The following CSGALNACT1 variants were observed in gnomAD, a reference collection of about 807,000 sequenced individuals.
CSGALNACT1 encodes chondroitin sulfate N-acetylgalactosaminyltransferase 1.
CSGALNACT1 carries 52 observed loss-of-function variants against 51.0 expected under a neutral mutation model. That is an observed-to-expected ratio of 1.02 (90% CI 0.82 to 1.29). The LOEUF (loss-of-function observed/expected upper bound fraction) is 1.29, where lower values mean the gene tolerates loss of function less well. Among genes scored for constraint, CSGALNACT1 ranks in the 50% most tolerant of loss-of-function variants. The pLI, the probability that CSGALNACT1 is intolerant of heterozygous loss-of-function variation, is 0.00. For synonymous variants in CSGALNACT1, 341 were observed against 254.4 expected (o/e 1.34, Z -3.24); for missense variants, 935 against 679.2 (o/e 1.38, Z -4.19).
intron 1 of CSGALNACT1, among the ~76,000 whole-genome samples, chr8:19,701,072 GA>G (rs2061838462): frequency 6.6e-6 from 1 of 150,410 alleles, no homozygotes; most frequent in African/African-American, 2.4e-5. Flanking sequence ...CATCAAGACA[GA>G]AATGATGGCT....
intron 8 of CSGALNACT1, among the ~76,000 whole-genome samples, chr8:19,415,900 C>T (rs969369712): frequency 6.6e-6 from 1 of 152,150 alleles, no homozygotes; most frequent in African/African-American, 2.4e-5. Context: ...AACGACACAA[C>T]TGTAAGCATA....
chr8:19,572,110 C>T (rs1365030331), intron 3 of CSGALNACT1, among the ~76,000 whole-genome samples: 1 of 152,224 alleles, frequency 6.6e-6, no homozygotes, highest in African/African-American at 2.4e-5. Context: ...ACCAGAAAAA[C>T]ATCGGCAACA....
intron 1 of CSGALNACT1, among the ~76,000 whole-genome samples, chr8:19,633,771 T>G (rs1264962246): frequency 1.3e-5 from 2 of 152,210 alleles, no homozygotes; most frequent in Non-Finnish European, 2.9e-5. Context: ...TTGTAGTGAT[T>G]TGTTATAGCA....
chr8:19,437,421 T>C (rs2060552513), intron 6 of CSGALNACT1, among the ~76,000 whole-genome samples: 1 of 151,974 alleles, frequency 6.6e-6, no homozygotes, highest in South Asian at 2.1e-4. Context: ...GGTAGGAAGA[T>C]TGATCTGGAA....
chr8:19,462,198 G>T (rs1261342083), intron 4 of CSGALNACT1, among the ~76,000 whole-genome samples: 1 of 152,238 alleles, frequency 6.6e-6, no homozygotes, highest in African/African-American at 2.4e-5. Flanking sequence ...CTGCACAACT[G>T]AAACAGGTCT....
At chr8:19,654,181 T>C (rs1288078896) in intron 1 of CSGALNACT1, among the ~76,000 whole-genome samples, 1 of 152,196 alleles carries the variant, frequency 6.6e-6, no homozygotes, top group Admixed American at 6.5e-5. Context: ...TCAGTAATAG[T>C]CACTGAACAT....
intron 3 of CSGALNACT1, among the ~76,000 whole-genome samples, chr8:19,560,549 A>G (rs1159763481): frequency 6.6e-6 from 1 of 152,250 alleles, no homozygotes; most frequent in African/African-American, 2.4e-5. Flanking sequence ...CAATAGATAC[A>G]CAACACGATG....
At chr8:19,489,301 C>G (rs6992586) in intron 4 of CSGALNACT1, among the ~76,000 whole-genome samples, 19,789 of 152,108 alleles carry the variant, frequency 0.13, 1,330 homozygotes, top group Middle Eastern at 0.21. Context: ...GAAATCATCA[C>G]TATCCAATGT....
At chr8:19,570,335 T>C (rs972947543) in intron 3 of CSGALNACT1, among the ~76,000 whole-genome samples, 1 of 152,192 alleles carries the variant, frequency 6.6e-6, no homozygotes, top group Non-Finnish European at 1.5e-5. Context: ...CTGATGGCTA[T>C]AATTTGAATG....
chr8:19,738,252 G>A (rs2064105710), intron 1 of CSGALNACT1, among the ~76,000 whole-genome samples: 1 of 152,014 alleles, frequency 6.6e-6, no homozygotes, highest in Admixed American at 6.6e-5. Flanking sequence ...TTCCTAATGG[G>A]GAAATAAGAA....
intron 1 of CSGALNACT1, among the ~76,000 whole-genome samples, chr8:19,635,982 G>A (rs911861300): frequency 6.6e-6 from 1 of 152,150 alleles, no homozygotes; most frequent in Non-Finnish European, 1.5e-5. Flanking sequence ...CACCTGCCTT[G>A]ATCTTCCAAT....
intron 1 of CSGALNACT1, among the ~76,000 whole-genome samples, chr8:19,713,669 A>T (rs2062639302): frequency 6.6e-6 from 1 of 152,140 alleles, no homozygotes; most frequent in Admixed American, 6.5e-5. Context: ...AACACCAAAG[A>T]TTGCTGGCAA....
intron 1 of CSGALNACT1, among the ~76,000 whole-genome samples, chr8:19,726,448 T>C (rs2063406665): frequency 6.6e-6 from 1 of 152,216 alleles, no homozygotes; most frequent in Non-Finnish European, 1.5e-5. Context: ...TTGTTTCTTT[T>C]CCTTTGTATA....
At chr8:19,447,369 G>C (rs1040400361) in intron 5 of CSGALNACT1, among the ~76,000 whole-genome samples, 2 of 152,182 alleles carry the variant, frequency 1.3e-5, no homozygotes, top group African/African-American at 4.8e-5. Flanking sequence ...TGTGGGGAAG[G>C]ACTGTTCAAC....
At chr8:19,572,965 G>A (rs192179512) in intron 3 of CSGALNACT1, among the ~76,000 whole-genome samples, 9 of 152,286 alleles carry the variant, frequency 5.9e-5, no homozygotes, top group Admixed American at 3.3e-4. Flanking sequence ...AAGGCAGTAC[G>A]AGGGATTCAG....
At chr8:19,494,015 C>G (rs368170926) in intron 4 of CSGALNACT1, among the ~76,000 whole-genome samples, 1 of 152,050 alleles carries the variant, frequency 6.6e-6, no homozygotes, top group Non-Finnish European at 1.5e-5. Flanking sequence ...TCCTGCTATC[C>G]GAGTGACCCA....
Position 19,644,307 on chromosome 8 carries a change from C to G in CSGALNACT1, c.-544+38166G>C, listed in dbSNP as rs561736984. ...TATTCTTCATATATTTCTGGATTTT[C>G]TACATTTTCCATAATTAGTATATTT... On this transcript the variant is annotated intron_variant, in intron 1 of 9. Coordinates refer to the CSGALNACT1 transcript ENST00000332246. 3.0e-4 allele frequency among the ~76,000 whole-genome samples: 46 copies of G among 150,904 alleles called. No individual in the cohort carries two copies. In the South Asian group the frequency reaches 9.0e-3, roughly 29 times the overall value.
At chr8:19,701,385 C>A (rs1297642304) in intron 1 of CSGALNACT1, among the ~76,000 whole-genome samples, 1 of 151,110 alleles carries the variant, frequency 6.6e-6, no homozygotes, top group African/African-American at 2.5e-5. Context: ...AACTCCTGAC[C>A]TTGAGTGATC....
In CSGALNACT1 at chr8:19,516,709, C is replaced by T. The variant is rs73667668; in HGVS notation, c.-296-10579G>A. Among the ~76,000 whole-genome samples the T allele has an allele frequency of 8.0e-3, 1,215 of 152,302 alleles. 14 individuals are homozygous for T. The highest frequency in any genetic ancestry group is 0.027 in the African/African-American group (1,133 of 41,562). Reference sequence around the variant, plus strand: ...AAGTGATTCCACCAGACCCTCCAGCCGTGTGGCCTCCACAGACCAGGCTCT... The same window carrying T: ...AAGTGATTCCACCAGACCCTCCAGCTGTGTGGCCTCCACAGACCAGGCTCT... On this transcript the variant is annotated intron_variant, in intron 3 of 9. Coordinates refer to ENST00000454498, the Ensembl canonical transcript of CSGALNACT1.
Sources: allele counts gnomAD v4.1 joint callset (sites outside exome capture counted in the v4.1 genomes callset), GRCh38; gene constraint gnomAD v4.1.1; transcripts MANE v1.5; gene names NCBI Gene and HGNC (gene_info 2026-07-23, HGNC 2026-07-21).